The following NYAP2 variants were observed in gnomAD, a reference collection of about 807,000 sequenced individuals.
The protein encoded by NYAP2 is neuronal tyrosine-phosphorylated phosphoinositide-3-kinase adaptor 2.
Under a neutral mutation model 50.4 loss-of-function variants are expected in NYAP2, and 23 were observed. That is an observed-to-expected ratio of 0.46 (90% CI 0.33 to 0.65). The LOEUF (loss-of-function observed/expected upper bound fraction) is 0.65, where lower values mean the gene tolerates loss of function less well. Among genes scored for constraint, NYAP2 ranks in the 30% least tolerant of loss-of-function variants. The probability of loss-of-function intolerance (pLI) is 0.02; values close to 1 mark genes in which losing one functional copy is unlikely to be tolerated. For missense variants in NYAP2, 885 were observed against 861.0 expected, an observed-to-expected ratio of 1.03 and a Z score of -0.35; for synonymous variants, 394 against 365.2, an observed-to-expected ratio of 1.08 and a Z score of -0.90.
intron 2 of NYAP2, 35 bp from the exon 3 acceptor site, chr2:225,408,829 C>T: frequency 7.9e-7 from 1 of 1,265,332 alleles, no homozygotes; most frequent in South Asian, 1.3e-5. Context: ...TTTTCCCCAC[C>T]CTGGATAAAA....
intron 4 of NYAP2, among the ~76,000 whole-genome samples, chr2:225,550,026 A>AG (rs953081733): frequency 2.0e-5 from 3 of 150,838 alleles, no homozygotes; most frequent in South Asian, 2.1e-4. Context: ...AGAGAGAGAG[A>AG]AAAAAAAAGA....
intron 3 of NYAP2, among the ~76,000 whole-genome samples, chr2:225,454,837 G>T (rs1217795758): frequency 6.6e-6 from 1 of 152,032 alleles, no homozygotes; most frequent in Non-Finnish European, 1.5e-5. Flanking sequence ...CAAAAAGTTT[G>T]GGTACCACCG....
At chr2:225,576,836 T>G (rs1479464428) in intron 4 of NYAP2, among the ~76,000 whole-genome samples, 3 of 152,186 alleles carry the variant, frequency 2.0e-5, no homozygotes, top group African/African-American at 7.2e-5. Flanking sequence ...AGTAAGGAAT[T>G]CATATTTGTT....
At chr2:225,404,430 A>C (rs1222323727) in intron 2 of NYAP2, among the ~76,000 whole-genome samples, 1 of 152,004 alleles carries the variant, frequency 6.6e-6, no homozygotes, top group Non-Finnish European at 1.5e-5. Context: ...ATTTCAGTGG[A>C]AACAATTGTA....
At chr2:225,569,109 A>G (rs1416993706) in intron 4 of NYAP2, among the ~76,000 whole-genome samples, 2 of 152,170 alleles carry the variant, frequency 1.3e-5, no homozygotes, top group Non-Finnish European at 2.9e-5. Context: ...TAGTGGGGAA[A>G]TGAATGGACT....
chr2:225,660,573 T>A, the NYAP2 span, among the ~76,000 whole-genome samples: 131 of 151,812 alleles, frequency 8.6e-4, 1 homozygote, highest in Admixed American at 1.1e-3. Flanking sequence ...TTAAAACGAA[T>A]GTCTGGCTTC....
chr2:225,616,397 G>T (rs1692991609), intron 5 of NYAP2, among the ~76,000 whole-genome samples: 1 of 152,208 alleles, frequency 6.6e-6, no homozygotes, highest in Non-Finnish European at 1.5e-5. Context: ...CTAGAGACTT[G>T]GAGGATGGAA....
At chr2:225,407,995 A>T (rs774112476) in intron 2 of NYAP2, among the ~76,000 whole-genome samples, 1 of 151,764 alleles carries the variant, frequency 6.6e-6, no homozygotes, top group East Asian at 1.9e-4. Flanking sequence ...TACAGTCTTC[A>T]TCTCTCATAA....
the NYAP2 span, among the ~76,000 whole-genome samples, chr2:225,671,502 T>G: frequency 6.6e-6 from 1 of 152,154 alleles, no homozygotes; most frequent in African/African-American, 2.4e-5. Flanking sequence ...AATTTCCACT[T>G]TACCACATCT....
intron 3 of NYAP2, among the ~76,000 whole-genome samples, chr2:225,440,209 T>C (rs1689447857): frequency 6.6e-6 from 1 of 152,230 alleles, no homozygotes; most frequent in South Asian, 2.1e-4. Flanking sequence ...GCTAAATGCC[T>C]GGAAGCAGCA....
At chr2:225,417,756 T>C (rs1332384141) in intron 3 of NYAP2, among the ~76,000 whole-genome samples, 1 of 152,132 alleles carries the variant, frequency 6.6e-6, no homozygotes, top group Non-Finnish European at 1.5e-5. Context: ...TAATTTTCTA[T>C]TAGGTTGATG....
intron 6 of NYAP2, among the ~76,000 whole-genome samples, chr2:225,628,323 T>G (rs1430527910): frequency 2.1e-5 from 3 of 146,092 alleles, no homozygotes; most frequent in Non-Finnish European, 4.5e-5. Flanking sequence ...TAGTTTTTTT[T>G]TTTTTTTTTT....
In NYAP2 at chr2:225,530,468, T is replaced by C. The variant is rs115686251; in HGVS notation, c.523+16796T>C. 1.4e-3 allele frequency among the ~76,000 whole-genome samples: 217 copies of C among 152,330 alleles called. 2 individuals are homozygous for C. Among genetic ancestry groups the C allele is most frequent in the Non-Finnish European group, 1.2e-3 (82 of 68,032 alleles). On this transcript the variant is annotated intron_variant, in intron 4 of 6. Coordinates refer to ENST00000636099, the Ensembl canonical transcript of NYAP2. ...TATCCTTTGGTATGTCTCTTCAGCA[T>C]TTTAGACTATGAACCTCCATACTTC...
intron 4 of NYAP2, among the ~76,000 whole-genome samples, chr2:225,559,478 G>C (rs1185695580): frequency 6.6e-6 from 1 of 152,004 alleles, no homozygotes; most frequent in Non-Finnish European, 1.5e-5. Context: ...CTGGATATTG[G>C]AGTTAACTCT....
chr2:225,587,536 A>G (rs779808904), intron 5 of NYAP2, among the ~76,000 whole-genome samples: 1 of 152,150 alleles, frequency 6.6e-6, no homozygotes, highest in Non-Finnish European at 1.5e-5. Flanking sequence ...GAATGCTAAC[A>G]GGACTTGATC....
intron 3 of NYAP2, among the ~76,000 whole-genome samples, chr2:225,505,187 A>G (rs1261967384): frequency 6.6e-6 from 1 of 152,184 alleles, no homozygotes; most frequent in Non-Finnish European, 1.5e-5. Flanking sequence ...CACTTTTAAC[A>G]CTTGACCTTC....
intron 4 of NYAP2, among the ~76,000 whole-genome samples, chr2:225,522,507 A>G (rs952636979): frequency 1.3e-5 from 2 of 152,296 alleles, no homozygotes; most frequent in Admixed American, 6.5e-5. Flanking sequence ...GTGAAGCTGA[A>G]GTTTGTTATA....
intron 3 of NYAP2, among the ~76,000 whole-genome samples, chr2:225,426,139 CTTT>C (rs56247453): frequency 2.0e-5 from 3 of 148,862 alleles, no homozygotes; most frequent in African/African-American, 7.4e-5. Flanking sequence ...TTTCTCTTTT[CTTT>C]TTTTTTTTTA....
intron 4 of NYAP2, among the ~76,000 whole-genome samples, chr2:225,535,662 A>G (rs1023138405): frequency 1.3e-5 from 2 of 152,198 alleles, no homozygotes; most frequent in African/African-American, 2.4e-5. Context: ...GAAAACAACC[A>G]TTGTGATCCC....
Sources: allele counts gnomAD v4.1 joint callset (sites outside exome capture counted in the v4.1 genomes callset), GRCh38; gene constraint gnomAD v4.1.1; transcripts MANE v1.5; gene names NCBI Gene and HGNC (gene_info 2026-07-23, HGNC 2026-07-21).